PHLPP1: variants seen among roughly 807,000 people sequenced by gnomAD.
The protein encoded by PHLPP1 is PH domain and leucine rich repeat protein phosphatase 1.
In PHLPP1, 42 loss-of-function variants were observed where a neutral mutation model predicts 117.2. The observed-to-expected ratio is 0.36, with a 90% CI of 0.28 to 0.46. The LOEUF is 0.46. PHLPP1 is among the 20% of genes least tolerant of loss of function. The pLI is 1.00. For synonymous variants in PHLPP1, 1,042 were observed against 970.7 expected, an observed-to-expected ratio of 1.07 and a Z score of -1.37; for missense variants, 2,084 against 2,241.9, an observed-to-expected ratio of 0.93 and a Z score of 1.42.
At chr18:62,800,294 G>A (rs1913741883) in intron 1 of PHLPP1, among the ~76,000 whole-genome samples, 1 of 152,158 alleles carries the variant, frequency 6.6e-6, no homozygotes, top group South Asian at 2.1e-4. Flanking sequence ...GAACAACAGG[G>A]ATATCCGAAT....
At chr18:62,817,888 T>C (rs1394611642) in intron 1 of PHLPP1, among the ~76,000 whole-genome samples, 3 of 149,170 alleles carry the variant, frequency 2.0e-5, no homozygotes, top group Non-Finnish European at 3.0e-5. Flanking sequence ...CGGAATCTTA[T>C]TGTGTCACCA....
intron 1 of PHLPP1, among the ~76,000 whole-genome samples, chr18:62,816,558 C>T (rs1191892108): frequency 6.6e-6 from 1 of 152,018 alleles, no homozygotes; most frequent in Non-Finnish European, 1.5e-5. Flanking sequence ...TAGAACAATA[C>T]TCCGTCTCAA....
chr18:62,933,487 C>G (rs1013962188), intron 10 of PHLPP1, among the ~76,000 whole-genome samples: 1 of 152,048 alleles, frequency 6.6e-6, no homozygotes, highest in Non-Finnish European at 1.5e-5. Context: ...GATCTTTTGA[C>G]AAAGTCAACA....
chr18:62,931,517 C>CAA (rs894603143), intron 10 of PHLPP1, among the ~76,000 whole-genome samples: 8 of 101,886 alleles, frequency 7.9e-5, no homozygotes, highest in African/African-American at 2.9e-4. Flanking sequence ...AAATTGAGAC[C>CAA]AAAAAAAAAA....
intron 1 of PHLPP1, among the ~76,000 whole-genome samples, chr18:62,789,665 A>G (rs1461676355): frequency 6.6e-6 from 1 of 151,980 alleles, no homozygotes; most frequent in Non-Finnish European, 1.5e-5. Context: ...TTTTATCTTC[A>G]AGTTCCTGCT....
intron 1 of PHLPP1, among the ~76,000 whole-genome samples, chr18:62,785,977 T>C (rs888631047): frequency 6.6e-6 from 1 of 152,220 alleles, no homozygotes. Flanking sequence ...ATATATCTCT[T>C]ATCACCCTCT....
At position 62,717,071 on chromosome 18, in the gene PHLPP1, C is replaced by T. The variant is rs772916580; in HGVS notation, c.1388C>T (p.Pro463Leu). The T allele has an allele frequency of 2.6e-6, 4 of 1,540,528 alleles. No individual in the cohort carries two copies. In the South Asian group the frequency reaches 3.6e-5, roughly 14 times the overall value. The change falls in exon 1 of 17, where the codon CCT becomes CTT. Residue 463 changes from proline (P) to leucine (L), a missense_variant. Pro to Leu is a moderately conservative substitution (Grantham distance 98). This residue lies in a region of PHLPP1 where 1,365 missense variants were observed against 1,605.9 expected (regional missense o/e 0.85). Transcript: ENST00000262719. ...GRSGVTAEKAPPPPPPPTLYV... is the reference protein window; with the variant it reads ...GRSGVTAEKALPPPPPPTLYV... Reference sequence around the variant, plus strand: ...AGCGGGGTGACCGCGGAGAAGGCGCCTCCGCCGCCCCCGCCGCCCACCCTG... The same window carrying T: ...AGCGGGGTGACCGCGGAGAAGGCGCTTCCGCCGCCCCCGCCGCCCACCCTG...
At chr18:62,764,203 A>G (rs1180262284) in intron 1 of PHLPP1, among the ~76,000 whole-genome samples, 2 of 151,464 alleles carry the variant, frequency 1.3e-5, no homozygotes, top group African/African-American at 4.8e-5. Flanking sequence ...CCAAAAAAAC[A>G]CAAAACAAAC....
intron 1 of PHLPP1, among the ~76,000 whole-genome samples, chr18:62,722,414 G>A (rs1417277121): frequency 6.6e-6 from 1 of 152,116 alleles, no homozygotes; most frequent in African/African-American, 2.4e-5. Context: ...ATAGAAAAAC[G>A]ATTCCTTTAA....
intron 3 of PHLPP1, 198 bp downstream of exon 3, chr18:62,839,107 C>T: frequency 1.8e-6 from 1 of 556,214 alleles, no homozygotes. Flanking sequence ...TTGTTTTTTA[C>T]TTGCCCAGTT....
At chr18:62,761,592 C>T (rs902500060) in intron 1 of PHLPP1, among the ~76,000 whole-genome samples, 1 of 150,956 alleles carries the variant, frequency 6.6e-6, no homozygotes, top group African/African-American at 2.4e-5. Context: ...GAGATCGCGC[C>T]ACTGCGCTCC....
intron 14 of PHLPP1, among the ~76,000 whole-genome samples, chr18:62,968,964 C>G (rs1791058853): frequency 6.6e-6 from 1 of 152,136 alleles, no homozygotes; most frequent in Non-Finnish European, 1.5e-5. Context: ...TTGATATTCT[C>G]AAAGAACTAG....
At chr18:62,854,097 G>GT (rs1915433734) in intron 3 of PHLPP1, among the ~76,000 whole-genome samples, 1 of 152,154 alleles carries the variant, frequency 6.6e-6, no homozygotes, top group East Asian at 1.9e-4. Flanking sequence ...CCCACATACT[G>GT]TTAAGCTGGT....
chr18:62,842,498 A>T (rs1249415940), intron 3 of PHLPP1, among the ~76,000 whole-genome samples: 1 of 151,934 alleles, frequency 6.6e-6, no homozygotes, highest in Non-Finnish European at 1.5e-5. Flanking sequence ...AGTAGCTGGG[A>T]TTACAGGCGT....
chr18:62,857,754 G>A (rs985156150), intron 3 of PHLPP1, among the ~76,000 whole-genome samples: 4 of 152,192 alleles, frequency 2.6e-5, no homozygotes, highest in Non-Finnish European at 5.9e-5. Context: ...CAGTTATCAT[G>A]TAGTATCTTA....
intron 10 of PHLPP1, among the ~76,000 whole-genome samples, chr18:62,937,680 G>A (rs1431880998): frequency 1.3e-5 from 2 of 152,122 alleles, no homozygotes; most frequent in African/African-American, 2.4e-5. Flanking sequence ...TGAAATATGA[G>A]AGGTTATATC....
At chr18:62,966,556 C>T (rs548747315) in intron 14 of PHLPP1, among the ~76,000 whole-genome samples, 5 of 150,686 alleles carry the variant, frequency 3.3e-5, no homozygotes, top group African/African-American at 1.2e-4. Context: ...CTGCAAGCTC[C>T]ACCTCCCGGG....
chr18:62,883,613 T>C (rs2058132553), intron 4 of PHLPP1, among the ~76,000 whole-genome samples: 1 of 152,166 alleles, frequency 6.6e-6, no homozygotes, highest in Non-Finnish European at 1.5e-5. Flanking sequence ...TTCTGTAACT[T>C]TTTTTTGTAG....
At chr18:62,833,365 C>T (rs558464313) in intron 2 of PHLPP1, among the ~76,000 whole-genome samples, 6 of 152,288 alleles carry the variant, frequency 3.9e-5, no homozygotes, top group African/African-American at 1.2e-4. Flanking sequence ...TGAGCCACCA[C>T]GCCTGGCCAG....
Sources: allele counts gnomAD v4.1 joint callset (sites outside exome capture counted in the v4.1 genomes callset), GRCh38; gene constraint gnomAD v4.1.1; regional missense constraint gnomAD v4.1.1; transcripts MANE v1.5; gene names NCBI Gene and HGNC (gene_info 2026-07-23, HGNC 2026-07-21).